Variants in NDUFAF5 observed in about 807,000 individuals in gnomAD.
NDUFAF5 encodes NADH:ubiquinone oxidoreductase complex assembly factor 5.
In NDUFAF5, 34 loss-of-function variants were observed where a neutral mutation model predicts 48.9. The ratio of observed to expected loss-of-function variants is 0.70; its 90% CI spans 0.53 to 0.93. The LOEUF (loss-of-function observed/expected upper bound fraction) is 0.93, where lower values mean the gene tolerates loss of function less well. NDUFAF5 is among the 40% of genes least tolerant of loss of function. NDUFAF5 has a pLI of 0.00. For synonymous variants in NDUFAF5, 153 were observed against 150.6 expected (o/e 1.02, Z -0.12); for missense variants, 428 against 427.5 (o/e 1.00, Z -0.01).
chr20:13,801,885 T>G, intron 7 of NDUFAF5: 1 of 528,348 alleles, frequency 1.9e-6, no homozygotes, highest in East Asian at 3.2e-5. Flanking sequence ...TAGGAATGTA[T>G]AATTTTTTAC....
chr20:13,813,570 C>T (rs902906315), intron 8 of NDUFAF5, among the ~76,000 whole-genome samples: 1 of 152,016 alleles, frequency 6.6e-6, no homozygotes, highest in Admixed American at 6.6e-5. Flanking sequence ...GGAAGAAGAA[C>T]GCAAAGATAG....
At position 13,801,638 on chromosome 20, in the gene NDUFAF5, C is replaced by T. The variant is rs1199767012; in HGVS notation, c.672C>T (p.Asp224=). The change falls in exon 7 of 11, where the codon GAC becomes GAT. Residue 224 remains aspartate, a synonymous_variant. Coordinates refer to ENST00000378106, the MANE Select transcript of NDUFAF5 (RefSeq NM_024120.5). ...TTTCTCCTTTCACTGCTGTCAATGA[C>T]CTGGGACATCTGCTTGGGAGAGCTG... ...PHISPFTAVN[D]LGHLLGRAGF... The T allele has an allele frequency of 3.7e-6, 6 of 1,613,954 alleles. No homozygotes were observed. In the East Asian group the frequency reaches 1.1e-4, roughly 30 times the overall value.
chr20:13,808,797 T>A, intron 7 of NDUFAF5, 45 bp from the exon 8 acceptor site: 1 of 1,335,174 alleles, frequency 7.5e-7, no homozygotes, highest in Non-Finnish European at 1.1e-6. Flanking sequence ...TCTGGAATTT[T>A]GTATCATGAA....
At chr20:13,810,814 G>A (rs555361317) in intron 8 of NDUFAF5, among the ~76,000 whole-genome samples, 1 of 152,248 alleles carries the variant, frequency 6.6e-6, no homozygotes, top group South Asian at 2.1e-4. Flanking sequence ...CAGGAAGGGA[G>A]AAGAGGTAGC....
chr20:13,819,240 A>T lies in NDUFAF5; in HGVS notation c.*2030A>T, dbSNP rs1986814826. ...TCTGAATAACCACATTTTCCAAATG[A>T]TTAAGAGCTCATCCTTTTAAGCAAT... On this transcript the variant is annotated 3_prime_UTR_variant, in exon 11 of 11. Transcript: ENST00000378106. 1 of 152,262 alleles carries T rather than the reference A, an allele frequency of 6.6e-6. No individual in the cohort carries two copies. The highest frequency in any genetic ancestry group is 1.5e-5 in the Non-Finnish European group (1 of 68,034). 9.4% of individuals were successfully genotyped at this position (152,262 alleles called of 1,614,324 possible).
chr20:13,788,448 T>G, intron 2 of NDUFAF5, 141 bp from the exon 3 acceptor site: 2 of 693,562 alleles, frequency 2.9e-6, no homozygotes, highest in Non-Finnish European at 2.6e-6. Flanking sequence ...TATATACAGC[T>G]TGTAAGGTGA....
At chr20:13,809,397 A>T (rs1045122365) in intron 8 of NDUFAF5, among the ~76,000 whole-genome samples, 1 of 152,208 alleles carries the variant, frequency 6.6e-6, no homozygotes, top group African/African-American at 2.4e-5. Flanking sequence ...TGTGCTCTAA[A>T]AAAAAATGGA....
chr20:13,785,397 C>G, intron 1 of NDUFAF5, 107 bp downstream of exon 1: 1 of 933,290 alleles, frequency 1.1e-6, no homozygotes, highest in Non-Finnish European at 1.6e-6. Context: ...GCCGTCTGAC[C>G]TTGACCAGCA....
Position 13,817,305 on chromosome 20 carries a change from A to G in NDUFAF5, c.*95A>G, listed in dbSNP as rs1198723852. 3.0e-6 allele frequency: 3 copies of G among 984,684 alleles called. No individual in the cohort carries two copies. In the Admixed American group the frequency reaches 5.1e-5, roughly 17 times the overall value. 61.0% of individuals were successfully genotyped at this position (984,684 alleles called of 1,614,324 possible). A position where few individuals can be genotyped will look rare whatever the true frequency, so the allele number is the denominator to read the frequency against. On this transcript the variant is annotated 3_prime_UTR_variant, in exon 11 of 11. Coordinates refer to ENST00000378106, the MANE Select transcript of NDUFAF5 (RefSeq NM_024120.5). The stretch of plus-strand genomic sequence containing the variant: ...TATATTTTGAAGCAAGAAGCACTCT[A>G]AGCTATTTACTAATAGGCTTTTCAT...
chr20:13,816,095 C>T, intron 8 of NDUFAF5: 1 of 357,206 alleles, frequency 2.8e-6, no homozygotes, highest in Non-Finnish European at 5.5e-6. Flanking sequence ...CAAAGAGCAG[C>T]TAAAAGCATG....
chr20:13,806,463 C>T (rs1215134778), intron 7 of NDUFAF5, among the ~76,000 whole-genome samples: 3 of 152,146 alleles, frequency 2.0e-5, no homozygotes, highest in East Asian at 1.9e-4. Context: ...GAGCCGAGAT[C>T]GCACCACTGC....
At chr20:13,816,715 A>G in intron 9 of NDUFAF5, 160 bp from the exon 10 acceptor site, 2 of 759,314 alleles carry the variant, frequency 2.6e-6, no homozygotes, top group South Asian at 1.5e-5. Flanking sequence ...AGCCTTTACT[A>G]TTTCCTTACC....
intron 7 of NDUFAF5, among the ~76,000 whole-genome samples, chr20:13,805,496 T>C (rs1201075676): frequency 6.6e-6 from 1 of 152,144 alleles, no homozygotes. Flanking sequence ...TACTTTAATA[T>C]AATATAAAAA....
At position 13,810,810 on chromosome 20, in the gene NDUFAF5, G is replaced by A. The variant is rs114708080; in HGVS notation, c.778+1908G>A. On this transcript the variant is annotated intron_variant, in intron 8 of 10. Transcript: ENST00000378106. ...GGGAGAGGCAAAGTTATAGCAGGAA[G>A]GGAGAAGAGGTAGCACCAAAGGATG... Among the ~76,000 whole-genome samples, 515 of 152,236 alleles carry A rather than the reference G, an allele frequency of 3.4e-3. 3 individuals carry two copies. The highest frequency in any genetic ancestry group is 0.012 in the African/African-American group (495 of 41,528).
At position 13,808,862 on chromosome 20, in the gene NDUFAF5, T is replaced by C. The variant is rs1262354429; in HGVS notation, c.738T>C (p.Val246=). 1 of 1,589,060 alleles carries C rather than the reference T, an allele frequency of 6.3e-7. No individual in the cohort carries two copies. Among genetic ancestry groups the C allele is most frequent in the Non-Finnish European group, 8.6e-7 (1 of 1,157,462 alleles). The part of the protein sequence containing the change: ...TLTVDTDEIQ[V]NYPGMFELME... Reference sequence around the variant, plus strand: ...AATAGGACACTGATGAAATTCAAGTTAACTATCCTGGAATGTTTGAATTGA... The same window carrying C: ...AATAGGACACTGATGAAATTCAAGTCAACTATCCTGGAATGTTTGAATTGA... The change falls in exon 8 of 11, where the codon GTT becomes GTC. Residue 246 remains valine (V), a synonymous_variant. Transcript: ENST00000378106.
chr20:13,785,355 G>C (rs2078928382), intron 1 of NDUFAF5, 65 bp downstream of exon 1: 1 of 1,395,226 alleles, frequency 7.2e-7, no homozygotes, highest in Non-Finnish European at 9.8e-7. Context: ...CTCTCCGCTA[G>C]TTCCGGCTAG....
intron 7 of NDUFAF5, among the ~76,000 whole-genome samples, chr20:13,808,200 A>G (rs1985352600): frequency 1.3e-5 from 2 of 152,130 alleles, no homozygotes; most frequent in Non-Finnish European, 2.9e-5. Context: ...CTTTGGCCAA[A>G]AGAAATATGT....
intron 6 of NDUFAF5, among the ~76,000 whole-genome samples, chr20:13,798,709 T>G (rs1983648905): frequency 6.6e-6 from 1 of 152,240 alleles, no homozygotes; most frequent in Non-Finnish European, 1.5e-5. Context: ...ATTGTAGAGA[T>G]AAGTTTTAAA....
chr20:13,801,459 C>A, intron 6 of NDUFAF5, 27 bp from the exon 7 acceptor site: 1 of 1,430,736 alleles, frequency 7.0e-7, no homozygotes, highest in Non-Finnish European at 9.6e-7. Flanking sequence ...AAATTTGAAT[C>A]ATTTTGTTTT....
Sources: gnomAD v4.1 joint callset for allele counts (sites outside exome capture counted in the v4.1 genomes callset) on GRCh38, gnomAD v4.1.1 for gene constraint, MANE v1.5 for transcripts, NCBI Gene and HGNC (gene_info 2026-07-23, HGNC 2026-07-21) for gene names.